Variants in PLCL2 observed in about 807,000 individuals in gnomAD.
PLCL2 encodes the protein inactive phospholipase C-like protein 2.
A neutral mutation model predicts 79.6 loss-of-function variants in PLCL2; 4 were observed. The observed-to-expected ratio is 0.05, with a 90% CI of 0.02 to 0.11. The LOEUF is 0.11. PLCL2 is among the 10% of genes least tolerant of loss of function. PLCL2 has a pLI of 1.00. For synonymous variants in PLCL2, 484 were observed against 457.7 expected (o/e 1.06, Z -0.73); for missense variants, 895 against 1,291.0 (o/e 0.69, Z 4.70).
chr3:17,051,693 C>G (rs952306843), intron 4 of PLCL2, among the ~76,000 whole-genome samples: 8 of 152,062 alleles, frequency 5.3e-5, no homozygotes, highest in Admixed American at 5.2e-4. Flanking sequence ...CTGCTAATGC[C>G]CAAGCCTTAA....
intron 1 of PLCL2, among the ~76,000 whole-genome samples, chr3:16,897,125 G>T (rs10510468): frequency 0.074 from 11,301 of 152,104 alleles, 648 homozygotes; most frequent in African/African-American, 0.15. Context: ...TTAACTTGCC[G>T]CGGTGGAGTT....
intron 1 of PLCL2, among the ~76,000 whole-genome samples, chr3:16,915,817 A>G (rs1204374441): frequency 6.6e-6 from 1 of 152,156 alleles, no homozygotes; most frequent in Non-Finnish European, 1.5e-5. Flanking sequence ...CCCATCCACC[A>G]CTAACAGCTT....
At chr3:17,037,177 A>T (rs1404705877) in intron 3 of PLCL2, among the ~76,000 whole-genome samples, 1 of 152,182 alleles carries the variant, frequency 6.6e-6, no homozygotes, top group Non-Finnish European at 1.5e-5. Flanking sequence ...TGGAGTCCAG[A>T]GAAGCAAGTC....
chr3:17,035,638 T>G, intron 3 of PLCL2: 1 of 348,446 alleles, frequency 2.9e-6, no homozygotes. Flanking sequence ...TTCTGAAATT[T>G]TACTTTGTTC....
chr3:16,952,360 CAAAA>C (rs35421244), intron 1 of PLCL2, among the ~76,000 whole-genome samples: 460 of 22,406 alleles, frequency 0.021, no homozygotes, highest in Admixed American at 0.055. Context: ...GAACTTAAAG[CAAAA>C]AAAAAAAAAA....
At chr3:17,035,409 A>G (rs1457554355) in intron 3 of PLCL2, among the ~76,000 whole-genome samples, 1 of 103,982 alleles carries the variant, frequency 9.6e-6, no homozygotes, top group Non-Finnish European at 1.9e-5. Context: ...AATTTTTCTT[A>G]TCCTGACCAG....
At chr3:17,052,255 T>TAAAAAAGGG (rs1553648887) in intron 4 of PLCL2, among the ~76,000 whole-genome samples, 1 of 126,418 alleles carries the variant, frequency 7.9e-6, no homozygotes, top group East Asian at 2.4e-4. Flanking sequence ...AAAAAAAAAT[T>TAAAAAAGGG]GGGGGGGGGT....
chr3:17,063,643 C>G (rs1454037776), intron 4 of PLCL2, among the ~76,000 whole-genome samples: 2 of 152,060 alleles, frequency 1.3e-5, no homozygotes. Flanking sequence ...TCTGTGCTGC[C>G]TGTCCCCACC....
At chr3:16,907,469 G>A (rs557570030) in intron 1 of PLCL2, among the ~76,000 whole-genome samples, 1 of 152,150 alleles carries the variant, frequency 6.6e-6, no homozygotes, top group Non-Finnish European at 1.5e-5. Context: ...GATGCTTGGA[G>A]CACCTACCAC....
At chr3:16,970,396 A>AT (rs1334093280) in intron 1 of PLCL2, among the ~76,000 whole-genome samples, 2 of 150,468 alleles carry the variant, frequency 1.3e-5, no homozygotes, top group African/African-American at 2.4e-5. Context: ...TGAACTCATC[A>AT]TTTTTTATGG....
chr3:16,989,094 T>G (rs2064079636), intron 1 of PLCL2, among the ~76,000 whole-genome samples: 1 of 152,084 alleles, frequency 6.6e-6, no homozygotes, highest in Admixed American at 6.6e-5. Flanking sequence ...TTGAGGTGAG[T>G]GAACACTGGG....
intron 4 of PLCL2, among the ~76,000 whole-genome samples, chr3:17,066,244 G>A (rs2065010280): frequency 6.6e-6 from 1 of 152,192 alleles, no homozygotes; most frequent in Non-Finnish European, 1.5e-5. Context: ...TAGTTCCCTG[G>A]AGAGTGGAAT....
intron 1 of PLCL2, among the ~76,000 whole-genome samples, chr3:16,891,375 C>T (rs1406470408): frequency 6.6e-6 from 1 of 152,194 alleles, no homozygotes; most frequent in African/African-American, 2.4e-5. Flanking sequence ...GTGTGTTTTT[C>T]TGATTTTTAG....
At chr3:16,915,137 T>G (rs1696963478) in intron 1 of PLCL2, among the ~76,000 whole-genome samples, 1 of 152,242 alleles carries the variant, frequency 6.6e-6, no homozygotes, top group Admixed American at 6.5e-5. Flanking sequence ...ACAAATCAAT[T>G]AAAACATATC....
intron 1 of PLCL2, among the ~76,000 whole-genome samples, chr3:16,892,886 G>A (rs1696384012): frequency 6.6e-6 from 1 of 152,136 alleles, no homozygotes; most frequent in African/African-American, 2.4e-5. Flanking sequence ...CCAGCATTCT[G>A]ACCAGGTTTG....
At chr3:16,992,807 G>A (rs1403684459) in intron 1 of PLCL2, among the ~76,000 whole-genome samples, 2 of 152,238 alleles carry the variant, frequency 1.3e-5, no homozygotes, top group East Asian at 1.9e-4. Context: ...AGGGAGAACT[G>A]TAGCCAGCCT....
rs17043012 is a variant in PLCL2 at position 17,024,537 on chromosome 3, A to G, written c.3018+9626A>G. Among the ~76,000 whole-genome samples, 1,048 of 152,322 alleles carry G rather than the reference A, an allele frequency of 6.9e-3. 5 individuals are homozygous for G. The highest frequency in any genetic ancestry group is 0.021 in the African/African-American group (873 of 41,574). Reference sequence around the variant, plus strand: ...ATTATTTTTGTAGTATGCACAGAATAGTATTGTCTCTACATTCAGTTTTGT... The same window carrying G: ...ATTATTTTTGTAGTATGCACAGAATGGTATTGTCTCTACATTCAGTTTTGT... On this transcript the variant is annotated intron_variant, in intron 3 of 5. Coordinates refer to ENST00000615277, the MANE Select transcript of PLCL2 (RefSeq NM_001144382.2).
At chr3:17,044,744 T>A (rs1362917147) in intron 4 of PLCL2, among the ~76,000 whole-genome samples, 1 of 152,180 alleles carries the variant, frequency 6.6e-6, no homozygotes, top group African/African-American at 2.4e-5. Flanking sequence ...TGAAAAAAAC[T>A]GTTTATCAGA....
intron 1 of PLCL2, among the ~76,000 whole-genome samples, chr3:16,959,224 T>G (rs1420115147): frequency 6.6e-6 from 1 of 152,190 alleles, no homozygotes; most frequent in African/African-American, 2.4e-5. Flanking sequence ...TCTTGCCTCT[T>G]AGTCTCTTTT....
Sources: gnomAD v4.1 joint callset for allele counts (sites outside exome capture counted in the v4.1 genomes callset) on GRCh38, gnomAD v4.1.1 for gene constraint, MANE v1.5 for transcripts, NCBI Gene and HGNC (gene_info 2026-07-23, HGNC 2026-07-21) for gene names.